The following XKR9 variants were observed in gnomAD, a reference collection of about 807,000 sequenced individuals.
XKR9 encodes XK-related protein 9.
Under a neutral mutation model 32.0 loss-of-function variants are expected in XKR9, and 32 were observed. The ratio of observed to expected loss-of-function variants is 1.00; its 90% CI spans 0.76 to 1.34. The LOEUF is 1.34. Ranked by LOEUF, XKR9 falls within the 40% of genes most tolerant of loss-of-function variation. The pLI, the probability that XKR9 is intolerant of heterozygous loss-of-function variation, is 0.00. For missense variants in XKR9, 546 were observed against 429.7 expected, an observed-to-expected ratio of 1.27 and a Z score of -2.39; for synonymous variants, 168 against 143.4, an observed-to-expected ratio of 1.17 and a Z score of -1.22.
At chr8:70,920,613 C>T in the XKR9 span, among the ~76,000 whole-genome samples, 1 of 152,082 alleles carries the variant, frequency 6.6e-6, no homozygotes, top group Non-Finnish European at 1.5e-5. Context: ...TGATTTTAAG[C>T]AGAGGTTAAA....
the XKR9 span, among the ~76,000 whole-genome samples, chr8:70,902,743 A>C: frequency 6.6e-6 from 1 of 152,214 alleles, no homozygotes. Flanking sequence ...TTGTCCATTC[A>C]GTATGATATT....
chr8:70,737,193 A>G (rs1293550771), downstream of XKR9, among the ~76,000 whole-genome samples: 1 of 147,624 alleles, frequency 6.8e-6, no homozygotes, highest in East Asian at 1.9e-4. Context: ...CATCCCTTGT[A>G]AGTTGGATTC....
intron 4 of XKR9, among the ~76,000 whole-genome samples, chr8:70,713,127 T>A (rs2132194747): frequency 6.6e-6 from 1 of 152,250 alleles, no homozygotes; most frequent in African/African-American, 2.4e-5. Context: ...AAGTAGAACT[T>A]ACTGAAATAG....
intron 4 of XKR9, among the ~76,000 whole-genome samples, chr8:70,721,544 T>G (rs118005052): frequency 6.6e-6 from 1 of 152,148 alleles, no homozygotes; most frequent in African/African-American, 2.4e-5. Flanking sequence ...TATTTCTGTT[T>G]TTATTTTGTT....
the XKR9 span, among the ~76,000 whole-genome samples, chr8:70,902,560 T>C: frequency 1.3e-5 from 2 of 152,326 alleles, no homozygotes; most frequent in Non-Finnish European, 2.9e-5. Flanking sequence ...TGGGCTGAGT[T>C]GATGGGGTTT....
chr8:70,902,359 G>A, the XKR9 span, among the ~76,000 whole-genome samples: 1 of 152,086 alleles, frequency 6.6e-6, no homozygotes, highest in Non-Finnish European at 1.5e-5. Context: ...TCCTTGAAGA[G>A]GTCCTTCACA....
the XKR9 span, among the ~76,000 whole-genome samples, chr8:71,056,007 A>C: frequency 8.5e-5 from 13 of 152,174 alleles, no homozygotes; most frequent in African/African-American, 3.1e-4. Flanking sequence ...TGCATTTGAC[A>C]CTTGGAACTC....
At chr8:70,962,490 T>G in the XKR9 span, among the ~76,000 whole-genome samples, 1 of 152,336 alleles carries the variant, frequency 6.6e-6, no homozygotes, top group Admixed American at 6.5e-5. Context: ...ATTAATTCAC[T>G]TAGGATACTG....
chr8:70,824,898 C>T, the XKR9 span, among the ~76,000 whole-genome samples: 11 of 151,832 alleles, frequency 7.2e-5, no homozygotes, highest in Non-Finnish European at 1.5e-4. Flanking sequence ...ATTAGGGCAA[C>T]AAGTACTAAG....
chr8:70,947,485 A>G, the XKR9 span, among the ~76,000 whole-genome samples: 1 of 152,234 alleles, frequency 6.6e-6, no homozygotes, highest in African/African-American at 2.4e-5. Flanking sequence ...TACAATGAAG[A>G]AAAGTACTCC....
At chr8:70,987,664 T>C in the XKR9 span, among the ~76,000 whole-genome samples, 1 of 152,196 alleles carries the variant, frequency 6.6e-6, no homozygotes, top group South Asian at 2.1e-4. Flanking sequence ...GTCTAAACCA[T>C]TGGTGGATCT....
At chr8:70,770,024 G>A (rs747229810) in intron 2 of XKR9, among the ~76,000 whole-genome samples, 2 of 151,976 alleles carry the variant, frequency 1.3e-5, no homozygotes, top group Non-Finnish European at 2.9e-5. Context: ...GATGCATTCT[G>A]GTTTTTGGAA....
chr8:70,931,450 C>T, the XKR9 span, among the ~76,000 whole-genome samples: 1 of 152,116 alleles, frequency 6.6e-6, no homozygotes, highest in Non-Finnish European at 1.5e-5. Context: ...TTGAATAATG[C>T]CTGGCAAATG....
At chr8:70,784,923 AT>A (rs1402410108) in intron 2 of XKR9, among the ~76,000 whole-genome samples, 1 of 151,858 alleles carries the variant, frequency 6.6e-6, no homozygotes, top group Non-Finnish European at 1.5e-5. Flanking sequence ...AGGATGTCGA[AT>A]TTAATCAAAT....
rs115436150 is a variant in XKR9, at chr8:70,672,710, T to C, written c.-360-2108T>C. 2.5e-3 allele frequency among the ~76,000 whole-genome samples: 382 copies of C among 152,318 alleles called. 4 individuals carry two copies. The highest frequency in any genetic ancestry group is 8.7e-3 in the African/African-American group (363 of 41,556). ...CTGTGTATGAGAGTTCCTTTTTCTC[T>C]ACATCCTCTGCAGCATCTGTTATTG... On this transcript the variant is annotated intron_variant, in intron 1 of 4. Transcript: ENST00000408926.
At chr8:70,951,867 T>G in the XKR9 span, among the ~76,000 whole-genome samples, 284 of 139,024 alleles carry the variant, frequency 2.0e-3, no homozygotes, top group African/African-American at 7.2e-3. Flanking sequence ...ATAGCATCAT[T>G]GGGGGGGGGG....
At chr8:70,799,172 T>C in the XKR9 span, among the ~76,000 whole-genome samples, 22 of 152,346 alleles carry the variant, frequency 1.4e-4, no homozygotes, top group South Asian at 2.5e-3. Flanking sequence ...TGATTCTTCC[T>C]ATCCATGGGC....
At chr8:70,814,631 C>T in the XKR9 span, among the ~76,000 whole-genome samples, 1 of 151,956 alleles carries the variant, frequency 6.6e-6, no homozygotes, top group Admixed American at 6.6e-5. Flanking sequence ...AAACCATTGC[C>T]AATATCATAC....
intron 4 of XKR9, among the ~76,000 whole-genome samples, chr8:70,713,956 C>T (rs1806006261): frequency 6.6e-6 from 1 of 152,082 alleles, no homozygotes; most frequent in Admixed American, 6.6e-5. Flanking sequence ...ACTAGATGTC[C>T]AAGATCAAGG....
Sources: gnomAD v4.1 joint callset for allele counts (sites outside exome capture counted in the v4.1 genomes callset) on GRCh38, gnomAD v4.1.1 for gene constraint, MANE v1.5 for transcripts, NCBI Gene and HGNC (gene_info 2026-07-23, HGNC 2026-07-21) for gene names.